The following KIF1B variants were observed in gnomAD, a reference collection of about 807,000 sequenced individuals.
KIF1B encodes kinesin family member 1B.
A neutral mutation model predicts 241.9 loss-of-function variants in KIF1B; 76 were observed. That is an observed-to-expected ratio of 0.31 (90% CI 0.26 to 0.38). The LOEUF (loss-of-function observed/expected upper bound fraction) is 0.38. KIF1B is among the 10% of genes least tolerant of loss of function. KIF1B has a pLI of 1.00. For missense variants in KIF1B, 1,622 were observed against 2,271.4 expected, an observed-to-expected ratio of 0.71 and a Z score of 5.81; for synonymous variants, 750 against 796.7, an observed-to-expected ratio of 0.94 and a Z score of 0.99.
chr1:10,268,365 G>A, intron 7 of KIF1B, 102 bp downstream of exon 7: 2 of 788,704 alleles, frequency 2.5e-6, no homozygotes, highest in South Asian at 2.9e-5. Flanking sequence ...GGTGTTGGGG[G>A]GTGCTCTTTT....
intron 2 of KIF1B, among the ~76,000 whole-genome samples, chr1:10,253,346 A>G (rs1647575726): frequency 6.6e-6 from 1 of 152,122 alleles, no homozygotes; most frequent in East Asian, 1.9e-4. Context: ...TGGGAGCATC[A>G]AATAGGTTAG....
At chr1:10,347,216 T>G (rs1328392582) in intron 35 of KIF1B, among the ~76,000 whole-genome samples, 2 of 152,256 alleles carry the variant, frequency 1.3e-5, no homozygotes, top group African/African-American at 4.8e-5. Context: ...CTCCTATATG[T>G]AATTCTGAGA....
rs1202465331 is a variant in KIF1B at position 10,336,684 on chromosome 1, C to G, written c.3071C>G (p.Ser1024Cys). Residue 1024 changes from serine (S) to cysteine (C), a missense_variant, in exon 29 of 49, where the codon TCT becomes TGT. This residue lies in a region of KIF1B where 803 missense variants were observed against 1,112.0 expected (regional missense o/e 0.72). Transcript: ENST00000676179. The stretch of plus-strand genomic sequence containing the variant: ...GATGAAGAAGCTCCTGATTATGGCT[C>G]TGGAATTCGACAGTCAGGAACAGCT... ...AADEEAPDYGSGIRQSGTAKI... is the reference protein window; with the variant it reads ...AADEEAPDYGCGIRQSGTAKI... The G allele has an allele frequency of 1.2e-6, 2 of 1,613,992 alleles. No homozygotes were observed. Among genetic ancestry groups the G allele is most frequent in the South Asian group, 1.1e-5 (1 of 91,090 alleles).
chr1:10,352,874 C>T (rs1008623361), intron 38 of KIF1B, 138 bp downstream of exon 38: 1 of 676,612 alleles, frequency 1.5e-6, no homozygotes, highest in African/African-American at 1.8e-5. Flanking sequence ...TCAAAAATCT[C>T]TTTATTTCTT....
chr1:10,305,683 A>G (rs1280371147), intron 22 of KIF1B: 1 of 1,057,960 alleles, frequency 9.5e-7, no homozygotes, highest in African/African-American at 1.7e-5. Flanking sequence ...GCTTGTAGAC[A>G]CTCAAACAAG....
intron 22 of KIF1B, chr1:10,305,533 G>A: frequency 9.4e-7 from 1 of 1,060,196 alleles, no homozygotes; most frequent in Non-Finnish European, 1.1e-6. Context: ...AGACATGGGG[G>A]ACAAAGCTAC....
At position 10,297,665 on chromosome 1, in the gene KIF1B, G is replaced by A. The variant is rs1334460375; in HGVS notation, c.2115+419G>A. Among the ~76,000 whole-genome samples, 4 of 151,750 alleles carry A rather than the reference G, an allele frequency of 2.6e-5. No individual in the cohort carries two copies. In the East Asian group the frequency reaches 7.7e-4, roughly 29 times the overall value. The stretch of plus-strand genomic sequence containing the variant: ...TTGATAGTACTAATTCTCTGCTCTT[G>A]GGCTGACTTTGGGATTGTTCTTACG... On this transcript the variant is annotated intron_variant, in intron 22 of 48. Transcript: ENST00000676179.
At chr1:10,275,526 G>A (rs766523899) in intron 11 of KIF1B, 23 bp downstream of exon 11, 2 of 1,279,800 alleles carry the variant, frequency 1.6e-6, no homozygotes, top group Non-Finnish European at 2.3e-6. Flanking sequence ...CTAGTGAAAA[G>A]TAGTTATCTT....
At chr1:10,356,610 A>C (rs1351032035) in intron 38 of KIF1B, among the ~76,000 whole-genome samples, 1 of 151,686 alleles carries the variant, frequency 6.6e-6, no homozygotes, top group East Asian at 2.0e-4. Flanking sequence ...AAAAAAAGAA[A>C]AAAAAATGCG....
intron 33 of KIF1B, among the ~76,000 whole-genome samples, chr1:10,342,579 G>T (rs1477104811): frequency 6.6e-6 from 1 of 152,148 alleles, no homozygotes; most frequent in Non-Finnish European, 1.5e-5. Context: ...GTTGGCAGAA[G>T]AATTTTTTTA....
chr1:10,293,042 C>T (rs1398400400), intron 17 of KIF1B, among the ~76,000 whole-genome samples: 6 of 149,296 alleles, frequency 4.0e-5, no homozygotes, highest in Non-Finnish European at 7.4e-5. Context: ...CTGTGGTTTT[C>T]GCTACAATTC....
intron 2 of KIF1B, among the ~76,000 whole-genome samples, chr1:10,253,502 G>T (rs1391184977): frequency 2.0e-5 from 3 of 152,064 alleles, no homozygotes; most frequent in African/African-American, 7.2e-5. Flanking sequence ...AATTAGCCGG[G>T]TGTAGTGGCA....
chr1:10,273,152 T>G, intron 10 of KIF1B, 121 bp downstream of exon 10: 1 of 702,232 alleles, frequency 1.4e-6, no homozygotes, highest in Non-Finnish European at 2.4e-6. Context: ...ATTTGTTCTC[T>G]GGCTCTGGAA....
At chr1:10,321,913 G>A (rs1651540018) in intron 24 of KIF1B, 56 bp downstream of exon 24, 2 of 1,601,212 alleles carry the variant, frequency 1.2e-6, no homozygotes, top group African/African-American at 2.7e-5. Context: ...TGCTGTGGGT[G>A]CATCTGGGTT....
intron 2 of KIF1B, among the ~76,000 whole-genome samples, chr1:10,246,249 A>G (rs573679385): frequency 2.0e-5 from 3 of 152,266 alleles, no homozygotes; most frequent in Admixed American, 1.3e-4. Flanking sequence ...CTAGACCAAA[A>G]ATATTGGAGT....
At chr1:10,215,178 T>A (rs1327319711) in intron 1 of KIF1B, among the ~76,000 whole-genome samples, 55 of 108,928 alleles carry the variant, frequency 5.0e-4, no homozygotes, top group Middle Eastern at 4.5e-3. Flanking sequence ...ATATATTTTT[T>A]TTTTTTTTTT....
At chr1:10,330,479 T>TA (rs35575898) in intron 27 of KIF1B, among the ~76,000 whole-genome samples, 8,296 of 145,856 alleles carry the variant, frequency 0.057, 225 homozygotes, top group Middle Eastern at 0.12. Flanking sequence ...AAGCTTTCTT[T>TA]AAAAAAAAAA....
intron 1 of KIF1B, among the ~76,000 whole-genome samples, chr1:10,215,135 ATTT>A (rs1309083681): frequency 2.2e-5 from 2 of 92,556 alleles, no homozygotes; most frequent in African/African-American, 9.1e-5. Flanking sequence ...AAATTTATAT[ATTT>A]TATATATATA....
At chr1:10,333,053 C>T (rs1458440490) in intron 27 of KIF1B, among the ~76,000 whole-genome samples, 5 of 151,438 alleles carry the variant, frequency 3.3e-5, no homozygotes, top group Non-Finnish European at 7.4e-5. Context: ...CTCAGGTGAT[C>T]CGCCTACCTC....
Sources: allele counts gnomAD v4.1 joint callset (sites outside exome capture counted in the v4.1 genomes callset), GRCh38; gene constraint gnomAD v4.1.1; regional missense constraint gnomAD v4.1.1; transcripts MANE v1.5; gene names NCBI Gene and HGNC (gene_info 2026-07-23, HGNC 2026-07-21).